Variants in RGS14 observed in about 807,000 individuals in gnomAD.
RGS14 encodes the protein regulator of G protein signaling 14.
RGS14 carries 33 observed loss-of-function variants against 63.8 expected under a neutral mutation model. The ratio of observed to expected loss-of-function variants is 0.52; its 90% CI spans 0.39 to 0.69. The LOEUF (loss-of-function observed/expected upper bound fraction) is 0.69, where lower values mean the gene tolerates loss of function less well. Ranked by LOEUF, RGS14 falls within the 30% of genes least tolerant of loss-of-function variation. The probability of loss-of-function intolerance (pLI) is 0.00; values close to 1 mark genes in which losing one functional copy is unlikely to be tolerated. For missense variants in RGS14, 739 were observed against 742.9 expected (o/e 0.99, Z 0.06); for synonymous variants, 296 against 320.9 (o/e 0.92, Z 0.83).
chr5:177,364,945 T>A lies in RGS14; in HGVS notation c.46-1018T>A, dbSNP rs748663657. 1.3e-5 allele frequency among the ~76,000 whole-genome samples: 2 copies of A among 152,144 alleles called. No individual in the cohort carries two copies. Among genetic ancestry groups the A allele is most frequent in the Non-Finnish European group, 2.9e-5 (2 of 68,022 alleles). On this transcript the variant is annotated intron_variant, in intron 1 of 14. Coordinates refer to ENST00000408923, the MANE Select transcript of RGS14 (RefSeq NM_006480.5). This position sits in a 1 kb window ranked among gnomAD's most constrained non-coding sequence, Gnocchi z 4.6. ...GCCTCAGGCCCCATCTTGGACCTAC[T>A]GAACCTGAATCTCCAGAGGTGGGGT...
At position 177,371,069 on chromosome 5, in the gene RGS14, C is replaced by CGGGGCGGGGCGGGGCGGGGCG. The variant is rs566940283; in HGVS notation, c.1254+41_1254+42insGCGGGGCGGGGCGGGGCGGGG. On this transcript the variant is annotated intron_variant, in intron 11 of 14. Coordinates refer to ENST00000408923, the MANE Select transcript of RGS14 (RefSeq NM_006480.5). This position sits in a 1 kb window ranked among gnomAD's most constrained non-coding sequence, Gnocchi z 6.1. The stretch of plus-strand genomic sequence containing the variant: ...GCCGCGGGGCGGGGCGGGGCGGGGC[C>CGGGGCGGGGCGGGGCGGGGCG]GGGCCGGGGCCGGGGCCGGGGCCGG... The CGGGGCGGGGCGGGGCGGGGCG allele has an allele frequency of 3.4e-5, 19 of 552,530 alleles. No homozygotes were observed. The African/African-American group carries it at 4.6e-4, about 13-fold the overall frequency. The allele number at this position is 552,530 out of a possible 1,614,324, so 34.2% of individuals were successfully genotyped here. A position where few individuals can be genotyped will look rare whatever the true frequency, so the allele number is the denominator to read the frequency against.
At chr5:177,370,687 T>A in intron 10 of RGS14, 23 bp downstream of exon 10, 1 of 1,612,600 alleles carries the variant, frequency 6.2e-7, no homozygotes, top group Non-Finnish European at 8.5e-7. Flanking sequence ...CCCCCAAGTC[T>A]GGGTCCCAGG....
chr5:177,362,729 G>A (rs532048886), intron 1 of RGS14, among the ~76,000 whole-genome samples: 1 of 152,004 alleles, frequency 6.6e-6, no homozygotes, highest in Non-Finnish European at 1.5e-5. Context: ...CCCAGGTAGG[G>A]TTTTAGCCGT....
At chr5:177,369,980 C>G (rs543318375) in intron 9 of RGS14, among the ~76,000 whole-genome samples, 1 of 152,230 alleles carries the variant, frequency 6.6e-6, no homozygotes, top group Non-Finnish European at 1.5e-5. Context: ...GTGGTCATCA[C>G]GAGAGTTACT....
chr5:177,372,145 A>G lies in RGS14; in HGVS notation c.*70A>G, dbSNP rs1762288473. ...CGAGCATGCCATGGGTCCGCTCTGCATGCCCTGTCTGTGCCATGAGTGTCC... is the reference window on the plus strand; with the variant it reads ...CGAGCATGCCATGGGTCCGCTCTGCGTGCCCTGTCTGTGCCATGAGTGTCC... On this transcript the variant is annotated 3_prime_UTR_variant, in exon 15 of 15. Transcript: ENST00000408923. 2.8e-6 allele frequency: 4 copies of G among 1,434,448 alleles called. No homozygotes were observed. Among genetic ancestry groups the G allele is most frequent in the African/African-American group, 2.8e-5 (2 of 71,196 alleles). The allele number at this position is 1,434,448 out of a possible 1,614,324, so 88.9% of individuals were successfully genotyped here. A position where few individuals can be genotyped will look rare whatever the true frequency, so the allele number is the denominator to read the frequency against.
At chr5:177,368,509 C>A (rs958629702) in intron 8 of RGS14, among the ~76,000 whole-genome samples, 1 of 152,244 alleles carries the variant, frequency 6.6e-6, no homozygotes, top group African/African-American at 2.4e-5. Context: ...ATACACAGCA[C>A]GTGTGTGGGA....
chr5:177,370,143 G>T (rs1762202096), intron 9 of RGS14, among the ~76,000 whole-genome samples: 1 of 152,206 alleles, frequency 6.6e-6, no homozygotes, highest in South Asian at 2.1e-4. Context: ...GTCAAAAATG[G>T]GACCAGGCCA....
Position 177,371,217 on chromosome 5 carries a change from C to T in RGS14, c.1307C>T (p.Ala436Val), listed in dbSNP as rs1372750370. The T allele has an allele frequency of 1.2e-6, 2 of 1,613,722 alleles. No individual in the cohort carries two copies. The highest frequency in any genetic ancestry group is 1.3e-5 in the African/African-American group (1 of 74,868). ...DLGKLVSSVAAQRLVLDTLPG... is the reference protein window; with the variant it reads ...DLGKLVSSVAVQRLVLDTLPG... ...GGGAAGCTAGTGAGCTCGGTGGCGG[C>T]CCAGAGACTGGTTTTGGACACTCTT... Residue 436 changes from alanine (A) to valine (V), a missense_variant, in exon 12 of 15, where the codon GCC becomes GTC. Coordinates refer to ENST00000408923, the MANE Select transcript of RGS14 (RefSeq NM_006480.5). The surrounding 1 kb of genome is among the most constrained non-coding windows in gnomAD (Gnocchi z 6.1).
intron 1 of RGS14, among the ~76,000 whole-genome samples, chr5:177,365,141 C>T (rs1762059711): frequency 6.6e-6 from 1 of 152,192 alleles, no homozygotes; most frequent in Non-Finnish European, 1.5e-5. Context: ...CATGTTTATA[C>T]AGCCCATATC....
Position 177,371,091 on chromosome 5 carries a change from C to CG in RGS14, c.1254+60_1254+61insG. On this transcript the variant is annotated intron_variant, in intron 11 of 14. Coordinates refer to ENST00000408923, the MANE Select transcript of RGS14 (RefSeq NM_006480.5). The surrounding 1 kb of genome is among the most constrained non-coding windows in gnomAD (Gnocchi z 6.1). The stretch of plus-strand genomic sequence containing the variant: ...GGCCGGGCCGGGGCCGGGGCCGGGG[C>CG]CGGGGCCGGGGCCGGGGCCGGGGCC... 1 of 571,012 alleles carries CG rather than the reference C, an allele frequency of 1.8e-6. No individual in the cohort carries two copies. Among genetic ancestry groups the CG allele is most frequent in the Non-Finnish European group, 2.1e-6 (1 of 471,652 alleles). The allele number at this position is 571,012 out of a possible 1,614,324, so 35.4% of individuals were successfully genotyped here.
Position 177,359,481 on chromosome 5 carries a change from A to G in RGS14, c.45+1412A>G, listed in dbSNP as rs1011109121. On this transcript the variant is annotated intron_variant, in intron 1 of 14. Transcript: ENST00000408923. This position sits in a 1 kb window ranked among gnomAD's most constrained non-coding sequence, Gnocchi z 4.4. ...TTGATGCTTCTGGGACAGTGCCTAG[A>G]ACTACAGGGCAGCAGAGGGGGCCCA... Among the ~76,000 whole-genome samples the G allele has an allele frequency of 3.9e-5, 6 of 152,082 alleles. No homozygotes were observed. The highest frequency in any genetic ancestry group is 1.4e-4 in the African/African-American group (6 of 41,420).
In RGS14 at chr5:177,358,072, G is replaced by A; in HGVS notation, c.45+3G>A. On this transcript the variant is annotated splice_donor_region_variant and intron_variant, in intron 1 of 14. Coordinates refer to ENST00000408923, the MANE Select transcript of RGS14 (RefSeq NM_006480.5). This position sits in a 1 kb window ranked among gnomAD's most constrained non-coding sequence, Gnocchi z 4.8. The stretch of plus-strand genomic sequence containing the variant: ...TGGGCGTCCCCAACGGGCGCATGGT[G>A]AGTGTGGGCTCCGGGCCAGGGCCAC... 1 of 1,352,962 alleles carries A rather than the reference G, an allele frequency of 7.4e-7. No individual in the cohort carries two copies. The highest frequency in any genetic ancestry group is 9.6e-7 in the Non-Finnish European group (1 of 1,042,360). The allele number at this position is 1,352,962 out of a possible 1,614,324, so 83.8% of individuals were successfully genotyped here.
At chr5:177,368,000 A>C (rs1311062789) in intron 7 of RGS14, 157 bp from the exon 8 acceptor site, 7 of 1,443,094 alleles carry the variant, frequency 4.9e-6, no homozygotes, top group Non-Finnish European at 6.4e-6. Context: ...TAGACCTCAG[A>C]CGTTTGGAAA....
chr5:177,366,584 C>G (rs2127331339), intron 3 of RGS14, 124 bp from the exon 4 acceptor site: 2 of 896,060 alleles, frequency 2.2e-6, no homozygotes, highest in Non-Finnish European at 1.7e-6. Context: ...GTCTGTCTGT[C>G]TGGCCCTGTC....
Position 177,372,250 on chromosome 5 carries a change from C to T in RGS14, c.*175C>T, listed in dbSNP as rs1581626168. On this transcript the variant is annotated 3_prime_UTR_variant, in exon 15 of 15. Transcript: ENST00000408923. ...GGGGACTCAGATGAGACACACCCCA[C>T]AGCTGCCACCGCCTTGTCCCTCAAC... 5 of 627,152 alleles carry T rather than the reference C, an allele frequency of 8.0e-6. No individual in the cohort carries two copies. Among genetic ancestry groups the T allele is most frequent in the East Asian group, 2.8e-5 (1 of 35,796 alleles). 38.8% of individuals were successfully genotyped at this position (627,152 alleles called of 1,614,324 possible).
intron 5 of RGS14, 137 bp downstream of exon 5, chr5:177,367,171 G>T: frequency 1.6e-6 from 2 of 1,261,470 alleles, no homozygotes; most frequent in Non-Finnish European, 2.2e-6. Context: ...TGCCGGGGCA[G>T]GCAGGGCGGA....
At chr5:177,369,287 A>G (rs1262197394) in intron 9 of RGS14, among the ~76,000 whole-genome samples, 3 of 152,218 alleles carry the variant, frequency 2.0e-5, no homozygotes, top group Non-Finnish European at 2.9e-5. Context: ...AGGGGCACCC[A>G]AGTGCACCTA....
intron 8 of RGS14, 46 bp from the exon 9 acceptor site, chr5:177,368,671 C>A (rs1008848546): frequency 1.9e-6 from 3 of 1,583,094 alleles, no homozygotes; most frequent in Admixed American, 3.3e-5. Context: ...GTGTGCATGC[C>A]CTTGCATGTG....
chr5:177,363,823 C>T (rs1481983102), intron 1 of RGS14, among the ~76,000 whole-genome samples: 2 of 152,136 alleles, frequency 1.3e-5, no homozygotes, highest in African/African-American at 2.4e-5. Context: ...CCTCCCACTG[C>T]CTCCACAAGT....
Sources: allele counts gnomAD v4.1 joint callset (sites outside exome capture counted in the v4.1 genomes callset), GRCh38; gene constraint gnomAD v4.1.1; non-coding constraint Gnocchi (gnomAD v3.1); transcripts MANE v1.5; gene names NCBI Gene and HGNC (gene_info 2026-07-23, HGNC 2026-07-21).